KIF11: variants seen among roughly 807,000 people sequenced by gnomAD.
KIF11 encodes kinesin-like protein KIF11.
In KIF11, 9 loss-of-function variants were observed where a neutral mutation model predicts 121.0. That is an observed-to-expected ratio of 0.07 (90% CI 0.04 to 0.13). The LOEUF is 0.13. Among genes scored for constraint, KIF11 ranks in the 10% least tolerant of loss-of-function variants. The pLI is 1.00. For missense variants in KIF11, 846 were observed against 1,217.5 expected, an observed-to-expected ratio of 0.69 and a Z score of 4.54; for synonymous variants, 408 against 421.0, an observed-to-expected ratio of 0.97 and a Z score of 0.38.
chr10:92,602,434 T>G (rs761723579), intron 1 of KIF11, among the ~76,000 whole-genome samples: 7 of 152,180 alleles, frequency 4.6e-5, no homozygotes, highest in Non-Finnish European at 8.8e-5. Flanking sequence ...TGAGTCCATC[T>G]CTTTACTGGT....
At position 92,609,609 on chromosome 10, in the gene KIF11, C is replaced by T. The variant is rs968723610; in HGVS notation, c.698+100C>T. The stretch of plus-strand genomic sequence containing the variant: ...GGGGTGGGTCAGGGTATGTGGGTCA[C>T]GTACCTAGAGTTTGTGTTATAAGGA... On this transcript the variant is annotated intron_variant, in intron 6 of 21. Coordinates refer to ENST00000260731, the MANE Select transcript of KIF11 (RefSeq NM_004523.4). 423 of 1,128,754 alleles carry T rather than the reference C, an allele frequency of 3.7e-4. 3 individuals carry two copies. Among genetic ancestry groups the T allele is most frequent in the Admixed American group, 1.9e-4 (8 of 42,440 alleles). 69.9% of individuals were successfully genotyped at this position (1,128,754 alleles called of 1,614,324 possible).
At chr10:92,599,918 TG>T (rs747032513) in intron 1 of KIF11, among the ~76,000 whole-genome samples, 215 of 150,728 alleles carry the variant, frequency 1.4e-3, no homozygotes, top group Non-Finnish European at 2.4e-3. Flanking sequence ...CCCAAAGTTC[TG>T]GGATTACAGC....
intron 10 of KIF11, among the ~76,000 whole-genome samples, chr10:92,628,399 T>C (rs954052306): frequency 2.6e-5 from 4 of 152,160 alleles, no homozygotes; most frequent in East Asian, 1.9e-4. Flanking sequence ...CCCACATTTT[T>C]CCAGCATTCT....
chr10:92,610,373 C>G (rs1161377711), intron 6 of KIF11, among the ~76,000 whole-genome samples: 1 of 152,042 alleles, frequency 6.6e-6, no homozygotes, highest in African/African-American at 2.4e-5. Flanking sequence ...TATAAAATTC[C>G]TTTTTAAAAA....
chr10:92,609,869 T>C (rs1286395018), intron 6 of KIF11, among the ~76,000 whole-genome samples: 1 of 152,102 alleles, frequency 6.6e-6, no homozygotes, highest in African/African-American at 2.4e-5. Context: ...CTTGAGTAGC[T>C]GGGATTACAG....
chr10:92,651,534 T>C (rs1844983463), intron 21 of KIF11, among the ~76,000 whole-genome samples: 3 of 105,590 alleles, frequency 2.8e-5, no homozygotes, highest in Admixed American at 9.2e-5. Context: ...TTTTTTTTTT[T>C]TTTTTTTTTT....
Position 92,646,529 on chromosome 10 carries a change from C to G in KIF11, c.2547+887C>G, listed in dbSNP as rs1844921759. Among the ~76,000 whole-genome samples the G allele has an allele frequency of 2.0e-5, 3 of 152,110 alleles. No individual in the cohort carries two copies. The South Asian group carries it at 6.2e-4, about 32-fold the overall frequency. The stretch of plus-strand genomic sequence containing the variant: ...GAGTTTGTATACAAATAGCTAATTT[C>G]AGATTTGTGATAGGAAATGTATAAT... On this transcript the variant is annotated intron_variant, in intron 18 of 21. Coordinates refer to ENST00000260731, the MANE Select transcript of KIF11 (RefSeq NM_004523.4).
At chr10:92,643,545 T>G (rs1365633210) in intron 17 of KIF11, among the ~76,000 whole-genome samples, 1 of 151,240 alleles carries the variant, frequency 6.6e-6, no homozygotes, top group Non-Finnish European at 1.5e-5. Context: ...TTTTTTAATG[T>G]ATCTACTAGA....
At chr10:92,602,176 A>T (rs1564702807) in intron 1 of KIF11, among the ~76,000 whole-genome samples, 1 of 151,242 alleles carries the variant, frequency 6.6e-6, no homozygotes, top group Non-Finnish European at 1.5e-5. Context: ...TTTGTTGAGG[A>T]TTTTTTTTTA....
intron 21 of KIF11, among the ~76,000 whole-genome samples, chr10:92,652,607 T>G (rs1338115875): frequency 6.6e-6 from 1 of 152,244 alleles, no homozygotes; most frequent in Admixed American, 6.5e-5. Context: ...GCTTTATTCC[T>G]TACTATTAGA....
In KIF11 at chr10:92,648,108, C is replaced by CAAAAAAAAAAAAAAAAAAAAAAAA. The variant is rs34357393; in HGVS notation, c.2548-90_2548-89insAAAAAAAAAAAAAAAAAAAAAAAA. 3.8e-5 allele frequency: 26 copies of CAAAAAAAAAAAAAAAAAAAAAAAA among 685,472 alleles called. No individual in the cohort carries two copies. In the African/African-American group the frequency reaches 4.2e-4, roughly 11 times the overall value. The allele number at this position is 685,472 out of a possible 1,614,324, so 42.5% of individuals were successfully genotyped here. A position where few individuals can be genotyped will look rare whatever the true frequency, so the allele number is the denominator to read the frequency against. ...TGGGCAACAGAGTGAGACTTGTCTC[C>CAAAAAAAAAAAAAAAAAAAAAAAA]AAAAAAAAAAAAAATTATGGAAAAG... On this transcript the variant is annotated intron_variant, in intron 18 of 21. Coordinates refer to ENST00000260731, the MANE Select transcript of KIF11 (RefSeq NM_004523.4).
chr10:92,644,050 C>T (rs949856296), intron 17 of KIF11, among the ~76,000 whole-genome samples: 6 of 152,060 alleles, frequency 3.9e-5, no homozygotes, highest in Non-Finnish European at 8.8e-5. Context: ...ATTCCATAGC[C>T]GTGGAGGAAA....
At position 92,602,533 on chromosome 10, in the gene KIF11, T is replaced by C. The variant is rs140990036; in HGVS notation, c.78-3732T>C. The stretch of plus-strand genomic sequence containing the variant: ...GAATTTGTTCAGCTGGGTTATCCGA[T>C]TTGTTGGCATACAATTGTTGAAAAT... On this transcript the variant is annotated intron_variant, in intron 1 of 21. Transcript: ENST00000260731. Among the ~76,000 whole-genome samples the C allele has an allele frequency of 2.0e-4, 30 of 152,206 alleles. No individual in the cohort carries two copies. In the East Asian group the frequency reaches 5.0e-3, roughly 26 times the overall value.
chr10:92,637,484 C>T lies in KIF11; in HGVS notation c.2099C>T (p.Ser700Leu). ...AATACCATTTGTTCCTTGGTTGAGT[C>T]ACAAAAGCAATGTGGAAACCTAACT... ...QENTICSLVESQKQCGNLTED... is the reference protein window; with the variant it reads ...QENTICSLVELQKQCGNLTED... Residue 700 changes from serine (S) to leucine (L), a missense_variant, in exon 16 of 22, where the codon TCA becomes TTA. By Grantham distance (145) the Ser-to-Leu change is moderately radical. Transcript: ENST00000260731. 1 of 1,609,048 alleles carries T rather than the reference C, an allele frequency of 6.2e-7. No homozygotes were observed. Among genetic ancestry groups the T allele is most frequent in the Non-Finnish European group, 8.5e-7 (1 of 1,178,936 alleles).
In KIF11 at chr10:92,613,118, A is replaced by G; in HGVS notation, c.777A>G (p.Gly259=). 1 of 1,609,150 alleles carries G rather than the reference A, an allele frequency of 6.2e-7. No individual in the cohort carries two copies. The change falls in exon 7 of 22, where the codon GGA becomes GGG. Residue 259 remains glycine (G), a synonymous_variant. Coordinates refer to ENST00000260731, the MANE Select transcript of KIF11 (RefSeq NM_004523.4). The surrounding 1 kb of genome is among the most constrained non-coding windows in gnomAD (Gnocchi z 4.2). ...ATGGAGAAGAGCTTGTTAAAATCGG[A>G]AAGTTGAACTTGGTAAGCATCCACC... ...TIDGEELVKI[G]KLNLVDLAGS...
chr10:92,630,035 C>T, intron 11 of KIF11, 141 bp from the exon 12 acceptor site: 1 of 544,702 alleles, frequency 1.8e-6, no homozygotes, highest in Non-Finnish European at 3.2e-6. Context: ...CAGAAAGAAA[C>T]AGGATGACAT....
In KIF11 at chr10:92,606,251, A is replaced by G. The variant is rs773260058; in HGVS notation, c.78-14A>G. 3.8e-6 allele frequency: 6 copies of G among 1,572,702 alleles called. No individual in the cohort carries two copies. Among genetic ancestry groups the G allele is most frequent in the Non-Finnish European group, 5.1e-6 (6 of 1,166,520 alleles). Reference sequence around the variant, plus strand: ...TAAGAGCTCTTGAATGACTTTGTGTATTTCTTTTTATAGACCATTTAATTT... The same window carrying G: ...TAAGAGCTCTTGAATGACTTTGTGTGTTTCTTTTTATAGACCATTTAATTT... On this transcript the variant is annotated splice_polypyrimidine_tract_variant and intron_variant, in intron 1 of 21. Transcript: ENST00000260731.
At chr10:92,633,286 G>C (rs1488486426) in intron 13 of KIF11, among the ~76,000 whole-genome samples, 3 of 151,572 alleles carry the variant, frequency 2.0e-5, no homozygotes, top group Non-Finnish European at 2.9e-5. Flanking sequence ...TTTTGGTATT[G>C]ATTTCCAGTT....
chr10:92,602,060 T>A (rs1027980656), intron 1 of KIF11, among the ~76,000 whole-genome samples: 21 of 152,218 alleles, frequency 1.4e-4, no homozygotes, highest in African/African-American at 5.1e-4. Context: ...TGTGGTATAT[T>A]ACATTGATCA....
Sources: allele counts gnomAD v4.1 joint callset (sites outside exome capture counted in the v4.1 genomes callset), GRCh38; gene constraint gnomAD v4.1.1; non-coding constraint Gnocchi (gnomAD v3.1); transcripts MANE v1.5; gene names NCBI Gene and HGNC (gene_info 2026-07-23, HGNC 2026-07-21).